ZMAT3: variants seen among roughly 807,000 people sequenced by gnomAD.
The protein encoded by ZMAT3 is zinc finger matrin-type 3, also known as zinc finger matrin-type protein 3.
A neutral mutation model predicts 32.3 loss-of-function variants in ZMAT3; 17 were observed. That is an observed-to-expected ratio of 0.53 (90% CI 0.36 to 0.79). The LOEUF is 0.79. ZMAT3 is among the 30% of genes least tolerant of loss of function. The pLI is 0.00. For missense variants in ZMAT3, 329 were observed against 359.7 expected (o/e 0.91, Z 0.69); for synonymous variants, 120 against 133.1 (o/e 0.90, Z 0.68).
chr3:179,045,632 ACAATGTGTGG>A (rs1720191723), intron 2 of ZMAT3, among the ~76,000 whole-genome samples: 1 of 152,220 alleles, frequency 6.6e-6, no homozygotes, highest in Non-Finnish European at 1.5e-5. Context: ...ATATACAAAA[ACAATGTGTGG>A]TAACAATAAA....
At chr3:179,026,982 A>C (rs1437465124) in intron 5 of ZMAT3, among the ~76,000 whole-genome samples, 1 of 152,188 alleles carries the variant, frequency 6.6e-6, no homozygotes, top group Non-Finnish European at 1.5e-5. Flanking sequence ...CTCCAAATTT[A>C]TTCATTGAAA....
intron 2 of ZMAT3, among the ~76,000 whole-genome samples, chr3:179,038,057 G>A (rs144010324): frequency 3.1e-4 from 47 of 152,270 alleles, no homozygotes; most frequent in Middle Eastern, 3.4e-3. Flanking sequence ...GGGGTGGGCC[G>A]ACAAGGCTTT....
At chr3:179,061,855 C>T (rs1348077593) in intron 2 of ZMAT3, among the ~76,000 whole-genome samples, 1 of 152,034 alleles carries the variant, frequency 6.6e-6, no homozygotes, top group African/African-American at 2.4e-5. Flanking sequence ...TGTTAATTTT[C>T]AACAATTGGC....
At chr3:179,028,620 A>T (rs1361681123) in intron 3 of ZMAT3, among the ~76,000 whole-genome samples, 43 of 152,232 alleles carry the variant, frequency 2.8e-4, no homozygotes. Context: ...AACAGCCCCC[A>T]CTGGGGGTAG....
intron 2 of ZMAT3, among the ~76,000 whole-genome samples, chr3:179,047,784 G>A (rs1387756763): frequency 2.0e-5 from 3 of 151,948 alleles, no homozygotes; most frequent in African/African-American, 4.8e-5. Flanking sequence ...ACTTCAGTCC[G>A]GGAGGCAAAG....
At chr3:179,052,750 C>T (rs576697417) in intron 2 of ZMAT3, among the ~76,000 whole-genome samples, 4 of 152,212 alleles carry the variant, frequency 2.6e-5, no homozygotes, top group East Asian at 1.9e-4. Flanking sequence ...CATCAATCAA[C>T]GTGTGGATAA....
At chr3:179,068,581 G>A (rs572888366) in intron 1 of ZMAT3, among the ~76,000 whole-genome samples, 3 of 151,708 alleles carry the variant, frequency 2.0e-5, no homozygotes, top group African/African-American at 7.2e-5. Flanking sequence ...ATCAAAAAGA[G>A]TGTATAAAAG....
chr3:179,028,293 T>C (rs550481039), intron 3 of ZMAT3, among the ~76,000 whole-genome samples: 2 of 152,260 alleles, frequency 1.3e-5, no homozygotes, highest in South Asian at 4.1e-4. Context: ...GCTACAGATA[T>C]AATCCGGAAA....
In ZMAT3 at chr3:179,067,718, G is replaced by A. The variant is rs35265139; in HGVS notation, c.35C>T (p.Pro12Leu). 2 of 1,614,020 alleles carry A rather than the reference G, an allele frequency of 1.2e-6. No homozygotes were observed. Among genetic ancestry groups the A allele is most frequent in the Admixed American group, 3.3e-5 (2 of 59,996 alleles). Residue 12 changes from proline (P) to leucine (L), a missense_variant, in exon 2 of 6, where the codon CCT becomes CTT. By Grantham distance (98) the Pro-to-Leu change is moderately conservative. Coordinates refer to ENST00000311417, the MANE Select transcript of ZMAT3 (RefSeq NM_022470.4). ...ILLQHAVLPP[P>L]KQPSPSPPMS... ...AGGAGGCGAGGGTGAGGGCTGCTTAGGTGGAGGAAGCACGGCGTGTTGCAA... is the reference window on the plus strand; with the variant it reads ...AGGAGGCGAGGGTGAGGGCTGCTTAAGTGGAGGAAGCACGGCGTGTTGCAA...
chr3:179,042,704 G>A (rs1161352350), intron 2 of ZMAT3, among the ~76,000 whole-genome samples: 1 of 152,150 alleles, frequency 6.6e-6, no homozygotes, highest in Non-Finnish European at 1.5e-5. Context: ...ATTCAACATA[G>A]TGTTGGAAGT....
chr3:179,056,649 C>T lies in ZMAT3; in HGVS notation c.270+10834G>A, dbSNP rs548221984. On this transcript the variant is annotated intron_variant, in intron 2 of 5. Transcript: ENST00000311417. ...GCCCATGCCATCACCCTCACAGAGC[C>T]CCGGGTATGCTTGACCATTGAGAGC... is the stretch of plus-strand genomic sequence containing the variant. Among the ~76,000 whole-genome samples the T allele has an allele frequency of 3.3e-5, 5 of 152,128 alleles. No individual in the cohort carries two copies. The East Asian group carries it at 7.7e-4, about 24-fold the overall frequency.
chr3:179,064,111 G>A (rs150304795), intron 2 of ZMAT3, among the ~76,000 whole-genome samples: 7 of 152,284 alleles, frequency 4.6e-5, no homozygotes, highest in East Asian at 1.9e-4. Context: ...TACAATACCC[G>A]AGGCAATTTG....
chr3:179,039,452 T>A (rs1370147302), intron 2 of ZMAT3, among the ~76,000 whole-genome samples: 1 of 152,098 alleles, frequency 6.6e-6, no homozygotes, highest in African/African-American at 2.4e-5. Flanking sequence ...GGGTCTGGAG[T>A]GGACCTCCAG....
intron 2 of ZMAT3, among the ~76,000 whole-genome samples, chr3:179,045,527 G>A (rs1324179829): frequency 3.3e-5 from 5 of 152,004 alleles, no homozygotes; most frequent in African/African-American, 1.2e-4. Context: ...AGAGCAAATT[G>A]CAAAAGAAGA....
intron 2 of ZMAT3, among the ~76,000 whole-genome samples, chr3:179,040,413 G>C (rs1458725784): frequency 2.0e-5 from 3 of 152,196 alleles, no homozygotes; most frequent in Non-Finnish European, 4.4e-5. Context: ...CCAGAAAAGA[G>C]TGGGGGCCGA....
At position 179,024,967 on chromosome 3, in the gene ZMAT3, A is replaced by G. The variant is rs769986575; in HGVS notation, c.*50T>C. On this transcript the variant is annotated 3_prime_UTR_variant, in exon 6 of 6. Transcript: ENST00000311417. ...GACCACAAAGCAGGGCAAGTTGACAAAAGGCAAACAACAGGCAGGAAAAGC... is the reference window on the plus strand; with the variant it reads ...GACCACAAAGCAGGGCAAGTTGACAGAAGGCAAACAACAGGCAGGAAAAGC... 6.3e-7 allele frequency: 1 copy of G among 1,586,926 alleles called. No individual in the cohort carries two copies. Among genetic ancestry groups the G allele is most frequent in the South Asian group, 1.1e-5 (1 of 90,174 alleles).
chr3:179,041,122 C>G (rs902683833), intron 2 of ZMAT3, among the ~76,000 whole-genome samples: 1 of 152,126 alleles, frequency 6.6e-6, no homozygotes, highest in Non-Finnish European at 1.5e-5. Flanking sequence ...GACTCCCACA[C>G]AATAATAATA....
intron 2 of ZMAT3, among the ~76,000 whole-genome samples, chr3:179,058,716 A>G (rs1576872972): frequency 1.3e-5 from 2 of 149,082 alleles, no homozygotes; most frequent in East Asian, 3.9e-4. Context: ...AGATCCCGCC[A>G]CTGCACTCCA....
intron 5 of ZMAT3, 132 bp downstream of exon 5, chr3:179,027,291 G>T: frequency 1.6e-6 from 1 of 613,414 alleles, no homozygotes; most frequent in Non-Finnish European, 2.7e-6. Context: ...CTGAAAGGCC[G>T]CCACTAGACT....
Sources: gnomAD v4.1 joint callset for allele counts (sites outside exome capture counted in the v4.1 genomes callset) on GRCh38, gnomAD v4.1.1 for gene constraint, MANE v1.5 for transcripts, NCBI Gene and HGNC (gene_info 2026-07-23, HGNC 2026-07-21) for gene names.